Variants in ZBTB20 observed in about 807,000 individuals in gnomAD.
ZBTB20 encodes the protein zinc finger and BTB domain containing 20.
In ZBTB20, 9 loss-of-function variants were observed where a neutral mutation model predicts 56.9. That is an observed-to-expected ratio of 0.16 (90% CI 0.10 to 0.28). ZBTB20 has a LOEUF of 0.28. Among genes scored for constraint, ZBTB20 ranks in the 10% least tolerant of loss-of-function variants. The pLI is 1.00. For synonymous variants in ZBTB20, 417 were observed against 420.7 expected (o/e 0.99, Z 0.11); for missense variants, 655 against 1,003.0 (o/e 0.65, Z 4.69).
intron 7 of ZBTB20, among the ~76,000 whole-genome samples, chr3:114,452,199 C>A (rs547405867): frequency 6.6e-6 from 1 of 152,190 alleles, no homozygotes; most frequent in East Asian, 1.9e-4. Flanking sequence ...AAAACCAAAA[C>A]AACTCTTGTC....
intron 4 of ZBTB20, among the ~76,000 whole-genome samples, chr3:114,836,483 A>G (rs1036984112): frequency 5.3e-5 from 8 of 152,210 alleles, no homozygotes; most frequent in Non-Finnish European, 1.0e-4. Flanking sequence ...TACATACTGT[A>G]AACTAATTTA....
chr3:114,906,582 A>T (rs1156393504), intron 3 of ZBTB20, among the ~76,000 whole-genome samples: 2 of 150,942 alleles, frequency 1.3e-5, no homozygotes, highest in African/African-American at 4.8e-5. Flanking sequence ...TTTTTATATT[A>T]TATAAAATTT....
At position 114,318,741 on chromosome 3, in the gene ZBTB20, T is replaced by C. The variant is rs2078786317; in HGVS notation, c.*20264A>G. The C allele has an allele frequency of 6.6e-6, 1 of 152,206 alleles. No homozygotes were observed. The highest frequency in any genetic ancestry group is 1.5e-5 in the Non-Finnish European group (1 of 68,036). The allele number at this position is 152,206 out of a possible 1,614,324, so 9.4% of individuals were successfully genotyped here. The stretch of plus-strand genomic sequence containing the variant: ...AATTTAACTTTGGTTTTCCAACTTT[T>C]TCAAACCATAAAAATTAAAGCAGGG... On this transcript the variant is annotated 3_prime_UTR_variant, in exon 12 of 12. Coordinates refer to ENST00000675478, the MANE Select transcript of ZBTB20 (RefSeq NM_001348800.3).
intron 7 of ZBTB20, among the ~76,000 whole-genome samples, chr3:114,433,163 C>T (rs1246984156): frequency 6.6e-6 from 1 of 152,186 alleles, no homozygotes; most frequent in Non-Finnish European, 1.5e-5. Context: ...GATTTTCCTT[C>T]TGCCCTGTAA....
intron 7 of ZBTB20, among the ~76,000 whole-genome samples, chr3:114,426,661 C>T (rs1212184072): frequency 4.6e-5 from 7 of 152,108 alleles, no homozygotes; most frequent in African/African-American, 1.7e-4. Context: ...CGGAATAATC[C>T]CTCATGCACT....
chr3:114,427,874 A>C (rs926503025), intron 7 of ZBTB20, among the ~76,000 whole-genome samples: 3 of 152,238 alleles, frequency 2.0e-5, no homozygotes, highest in South Asian at 2.1e-4. Flanking sequence ...AGGAGCACCA[A>C]CTAAGGGAGA....
intron 4 of ZBTB20, among the ~76,000 whole-genome samples, chr3:114,834,889 C>A (rs564679367): frequency 5.5e-4 from 84 of 152,036 alleles, no homozygotes; most frequent in African/African-American, 1.9e-3. Flanking sequence ...TTAAAATATT[C>A]ATCTAATAAA....
chr3:114,400,967 A>G (rs756595138), intron 7 of ZBTB20, among the ~76,000 whole-genome samples: 7 of 152,072 alleles, frequency 4.6e-5, no homozygotes, highest in Non-Finnish European at 7.4e-5. Flanking sequence ...TACTACAAGC[A>G]GCATGAATCA....
At position 114,334,197 on chromosome 3, in the gene ZBTB20, C is replaced by T. The variant is rs1009003463; in HGVS notation, c.*4808G>A. 2.0e-5 allele frequency: 3 copies of T among 152,226 alleles called. No individual in the cohort carries two copies. In the East Asian group the frequency reaches 5.8e-4, roughly 29 times the overall value. 9.4% of individuals were successfully genotyped at this position (152,226 alleles called of 1,614,324 possible). On this transcript the variant is annotated 3_prime_UTR_variant, in exon 12 of 12. Coordinates refer to ENST00000675478, the MANE Select transcript of ZBTB20 (RefSeq NM_001348800.3). The stretch of plus-strand genomic sequence containing the variant: ...CCAGCCCCAACTAATCAAATAACAT[C>T]TTCTAGAACAACAGAGGAAAGCTCC...
intron 3 of ZBTB20, among the ~76,000 whole-genome samples, chr3:114,926,897 T>C (rs2076178934): frequency 6.6e-6 from 1 of 152,096 alleles, no homozygotes; most frequent in African/African-American, 2.4e-5. Flanking sequence ...CACCACCACA[T>C]CTGGCTAATT....
At chr3:114,706,402 C>T (rs1045911570) in intron 5 of ZBTB20, among the ~76,000 whole-genome samples, 1 of 151,940 alleles carries the variant, frequency 6.6e-6, no homozygotes, top group Non-Finnish European at 1.5e-5. Context: ...ACTTTTTATG[C>T]TTTTTTAATC....
At chr3:114,417,746 T>A (rs1011211470) in intron 7 of ZBTB20, among the ~76,000 whole-genome samples, 1 of 151,954 alleles carries the variant, frequency 6.6e-6, no homozygotes, top group Admixed American at 6.6e-5. Flanking sequence ...GTCTTTAATG[T>A]AAAGGAAAAA....
chr3:114,689,804 C>T (rs2062586897), intron 6 of ZBTB20, among the ~76,000 whole-genome samples: 1 of 152,062 alleles, frequency 6.6e-6, no homozygotes, highest in African/African-American at 2.4e-5. Flanking sequence ...TTTAACACCA[C>T]ATATAAGAAC....
chr3:114,517,542 A>G (rs1004773690), intron 6 of ZBTB20, among the ~76,000 whole-genome samples: 3 of 151,794 alleles, frequency 2.0e-5, no homozygotes, highest in African/African-American at 7.3e-5. Context: ...CCCAAAAGCT[A>G]GGTTTCTTAG....
intron 2 of ZBTB20, among the ~76,000 whole-genome samples, chr3:115,042,150 A>G (rs1313153146): frequency 2.0e-5 from 3 of 152,142 alleles, no homozygotes. Context: ...AAAGTCACCA[A>G]CAGAGCAATA....
At chr3:114,504,302 G>T (rs1482307175) in intron 6 of ZBTB20, among the ~76,000 whole-genome samples, 1 of 152,006 alleles carries the variant, frequency 6.6e-6, no homozygotes, top group African/African-American at 2.4e-5. Context: ...AATGATATAA[G>T]AATCACTATC....
intron 7 of ZBTB20, among the ~76,000 whole-genome samples, chr3:114,395,259 G>A (rs1165153014): frequency 6.6e-6 from 1 of 152,110 alleles, no homozygotes; most frequent in African/African-American, 2.4e-5. Context: ...TTAGCAGAGA[G>A]GTCATTGTGG....
intron 2 of ZBTB20, among the ~76,000 whole-genome samples, chr3:114,985,781 G>A (rs561556923): frequency 7.5e-4 from 114 of 152,110 alleles, no homozygotes; most frequent in African/African-American, 2.3e-3. Flanking sequence ...CTTGACAAGC[G>A]TTCTAATGCC....
intron 6 of ZBTB20, among the ~76,000 whole-genome samples, chr3:114,552,244 G>C (rs1372222057): frequency 6.6e-6 from 1 of 151,962 alleles, no homozygotes; most frequent in Non-Finnish European, 1.5e-5. Flanking sequence ...GGAAATTCTA[G>C]ATATCCAGGT....
Sources: allele counts gnomAD v4.1 joint callset (sites outside exome capture counted in the v4.1 genomes callset), GRCh38; gene constraint gnomAD v4.1.1; transcripts MANE v1.5; gene names NCBI Gene and HGNC (gene_info 2026-07-23, HGNC 2026-07-21).